Variants in AP3B2 observed in about 807,000 individuals in gnomAD.
AP3B2 encodes adaptor related protein complex 3 subunit beta 2, also known as AP-3 complex subunit beta-2.
A neutral mutation model predicts 126.9 loss-of-function variants in AP3B2; 50 were observed. The ratio of observed to expected loss-of-function variants is 0.39; its 90% confidence interval spans 0.31 to 0.50. The LOEUF (loss-of-function observed/expected upper bound fraction) is 0.50. Ranked by LOEUF, AP3B2 falls within the 20% of genes least tolerant of loss-of-function variation. The pLI, the probability that AP3B2 is intolerant of heterozygous loss-of-function variation, is 0.79. For missense variants in AP3B2, 1,177 were observed against 1,426.4 expected (o/e 0.83, Z 2.82); for synonymous variants, 541 against 565.0 (o/e 0.96, Z 0.60).
Position 82,689,240 on chromosome 15 carries a change from G to A in AP3B2, c.190-8C>T. On this transcript the variant is annotated splice_region_variant and splice_polypyrimidine_tract_variant and intron_variant, in intron 2 of 26. Transcript: ENST00000535359. Reference sequence around the variant, plus strand: ...CTTTCCTCGGGCAATCATCTGGGTGGTGGGGTCAAGGTAGGGGAAGAGGGA... The same window carrying A: ...CTTTCCTCGGGCAATCATCTGGGTGATGGGGTCAAGGTAGGGGAAGAGGGA... 6.2e-7 allele frequency: 1 copy of A among 1,614,034 alleles called. No homozygotes were observed. The highest frequency in any genetic ancestry group is 8.5e-7 in the Non-Finnish European group (1 of 1,179,896).
In AP3B2 at chr15:82,664,251, A is replaced by T. The variant is rs530639981; in HGVS notation, c.2261+116T>A. Reference sequence around the variant, plus strand: ...AGGCGTCATGTGAGCTGACAGCCCCACCCAGCTCACGAGGGGCTCAGGGGC... The same window carrying T: ...AGGCGTCATGTGAGCTGACAGCCCCTCCCAGCTCACGAGGGGCTCAGGGGC... On this transcript the variant is annotated intron_variant, in intron 19 of 26. Transcript: ENST00000535359. This position sits in a 1 kb window ranked among gnomAD's most constrained non-coding sequence, Gnocchi z 4.5. 1 of 1,504,906 alleles carries T rather than the reference A, an allele frequency of 6.6e-7. No individual in the cohort carries two copies. The highest frequency in any genetic ancestry group is 9.0e-7 in the Non-Finnish European group (1 of 1,106,316). 93.2% of individuals were successfully genotyped at this position (1,504,906 alleles called of 1,614,324 possible).
chr15:82,680,920 C>T lies in AP3B2; in HGVS notation c.688G>A (p.Asp230Asn). Residue 230 changes from aspartate to asparagine, a missense_variant, in exon 7 of 27, where the codon GAC becomes AAC. Asp to Asn is a conservative substitution (Grantham distance 23). Transcript: ENST00000535359. The surrounding 1 kb of genome is among the most constrained non-coding windows in gnomAD (Gnocchi z 6.1). ...ACCACCTGGCCCCACTCCTCCACGTCGATCAGCAGGTTACAGAGTTTCCGG... is the reference window on the plus strand; with the variant it reads ...ACCACCTGGCCCCACTCCTCCACGTTGATCAGCAGGTTACAGAGTTTCCGG... ...NYRKLCNLLI[D>N]VEEWGQVVII... 6.2e-7 allele frequency: 1 copy of T among 1,613,954 alleles called. No individual in the cohort carries two copies. Among genetic ancestry groups the T allele is most frequent in the South Asian group, 1.1e-5 (1 of 91,078 alleles).
rs779008716 is a variant in AP3B2 at position 82,680,645 on chromosome 15, C to T, written c.882G>A (p.Lys294=). ...ETAAAAAPSR[K]PYVMDPDHRL... is the part of the protein sequence containing the mutation. ...GGTGGTCGGGGTCCATGACATAGGG[C>T]TTTCGGGAGGGGGCGGCCGCGGCGG... The change falls in exon 8 of 27, where the codon AAG becomes AAA. Residue 294 remains lysine, a synonymous_variant. Transcript: ENST00000535359. This position sits in a 1 kb window ranked among gnomAD's most constrained non-coding sequence, Gnocchi z 6.1. 1.1e-5 allele frequency: 17 copies of T among 1,588,380 alleles called. No homozygotes were observed. Among genetic ancestry groups the T allele is most frequent in the African/African-American group, 2.7e-5 (2 of 74,442 alleles).
chr15:82,665,339 C>T lies in AP3B2; in HGVS notation c.1972-36G>A. On this transcript the variant is annotated intron_variant, in intron 16 of 26. Transcript: ENST00000535359. The surrounding 1 kb of genome is among the most constrained non-coding windows in gnomAD (Gnocchi z 4.4). ...GGGGGAGGGTGTTAGGAGGGCTGGG[C>T]CGGCACTGCCAGGGCTCCCTACTGT... 6.3e-7 allele frequency: 1 copy of T among 1,583,716 alleles called. No homozygotes were observed. The highest frequency in any genetic ancestry group is 8.5e-7 in the Non-Finnish European group (1 of 1,170,274).
intron 4 of AP3B2, chr15:82,685,678 A>C (rs924827768): frequency 2.0e-5 from 3 of 152,038 alleles, no homozygotes; most frequent in Admixed American, 6.6e-5. Flanking sequence ...GAAAGTTATC[A>C]AAAAAAATGT....
In AP3B2 at chr15:82,680,339, G is replaced by A. The variant is rs929040516; in HGVS notation, c.1056-110C>T. The A allele has an allele frequency of 9.1e-6, 14 of 1,538,866 alleles. No individual in the cohort carries two copies. The highest frequency in any genetic ancestry group is 1.2e-5 in the Non-Finnish European group (14 of 1,134,630). ...TTGCGGGGAGAGGACCAGTGCGGAG[G>A]GCAGGACTACGGTCAGTGTGGAGCG... On this transcript the variant is annotated intron_variant, in intron 8 of 26. Coordinates refer to ENST00000535359, the MANE Select transcript of AP3B2 (RefSeq NM_001278512.2). This position sits in a 1 kb window ranked among gnomAD's most constrained non-coding sequence, Gnocchi z 6.1.
intron 14 of AP3B2, among the ~76,000 whole-genome samples, chr15:82,672,231 A>G (rs2048170881): frequency 6.6e-6 from 1 of 152,232 alleles, no homozygotes; most frequent in Admixed American, 6.5e-5. Context: ...ACAAATAGAT[A>G]AAGAAAATAC....
In AP3B2 at chr15:82,690,253, C is replaced by CT. The variant is rs544208906; in HGVS notation, c.114-801dup. On this transcript the variant is annotated intron_variant, in intron 1 of 26. Transcript: ENST00000535359. ...GTACTTTTTTTTTTCAATTACTAAA[C>CT]TTTTTTTTTTTAATTATACTTTTAA... Among the ~76,000 whole-genome samples the CT allele has an allele frequency of 8.0e-3, 1,162 of 145,554 alleles. 12 individuals carry two copies. Among genetic ancestry groups the CT allele is most frequent in the Non-Finnish European group, 8.9e-3 (578 of 65,068 alleles).
Position 82,676,510 on chromosome 15 carries a change from A to C in AP3B2, c.1616T>G (p.Leu539Arg). 2 of 1,614,024 alleles carry C rather than the reference A, an allele frequency of 1.2e-6. No individual in the cohort carries two copies. ...CTTGGCTGCCAGGTTGATGACCTGC[A>C]GCTTGACAATATCCTCCTCTGCTGT... ...SFTAEEDIVK[L>R]QVINLAAKLY... The change falls in exon 14 of 27, where the codon CTG (leucine) becomes CGG (arginine). Residue 539 changes from leucine (L) to arginine (R), a missense_variant. Transcript: ENST00000535359.
At position 82,666,840 on chromosome 15, in the gene AP3B2, C is replaced by T. The variant is rs186700451; in HGVS notation, c.1759G>A (p.Val587Ile). 25 of 1,613,856 alleles carry T rather than the reference C, an allele frequency of 1.5e-5. 1 individual carries two copies. The highest frequency in any genetic ancestry group is 9.9e-5 in the South Asian group (9 of 91,082). Residue 587 changes from valine (V) to isoleucine (I), a missense_variant, in exon 15 of 27, where the codon GTC becomes ATC. Transcript: ENST00000535359. ...DRARFTRQLIVPSEQGGALSR... is the reference protein window; with the variant it reads ...DRARFTRQLIIPSEQGGALSR... ...AGGGCCCCACCCTGCTCGGAAGGGACGATGAGCTGCCGGGTGAAGCGCGCC... is the reference window on the plus strand; with the variant it reads ...AGGGCCCCACCCTGCTCGGAAGGGATGATGAGCTGCCGGGTGAAGCGCGCC...
chr15:82,700,396 G>GTTTTTTTTTTT (rs1567275643), intron 1 of AP3B2, among the ~76,000 whole-genome samples: 4 of 11,260 alleles, frequency 3.6e-4, no homozygotes, highest in Non-Finnish European at 6.8e-4. Context: ...GTGGTGGGTG[G>GTTTTTTTTTTT]CTTTTTTTTT....
chr15:82,660,251 G>T (rs1012244492), intron 25 of AP3B2, among the ~76,000 whole-genome samples: 6 of 152,108 alleles, frequency 3.9e-5, no homozygotes, highest in African/African-American at 1.4e-4. Context: ...TCCTCCATCA[G>T]ACATCTGGGC....
At position 82,665,250 on chromosome 15, in the gene AP3B2, A is replaced by C. The variant is rs746465157; in HGVS notation, c.2025T>G (p.Thr675=). The C allele has an allele frequency of 1.9e-6, 3 of 1,538,858 alleles. No homozygotes were observed. The South Asian group carries it at 3.6e-5, about 18-fold the overall frequency. ...ACACGTCACACGAAGGTGGGACCTC[A>C]GTGTATTCGCCCAACAGGCCCACGT... ...ETHVGLLGEY[T]EVPEWTKCSN... Residue 675 remains threonine (T), a synonymous_variant, in exon 17 of 27, where the codon ACT becomes ACG. Coordinates refer to ENST00000535359, the MANE Select transcript of AP3B2 (RefSeq NM_001278512.2). The surrounding 1 kb of genome is among the most constrained non-coding windows in gnomAD (Gnocchi z 4.4).
At position 82,680,255 on chromosome 15, in the gene AP3B2, C is replaced by G; in HGVS notation, c.1056-26G>C. 1 of 1,613,302 alleles carries G rather than the reference C, an allele frequency of 6.2e-7. No individual in the cohort carries two copies. Among genetic ancestry groups the G allele is most frequent in the Non-Finnish European group, 8.5e-7 (1 of 1,179,694 alleles). On this transcript the variant is annotated intron_variant, in intron 8 of 26. Coordinates refer to ENST00000535359, the MANE Select transcript of AP3B2 (RefSeq NM_001278512.2). This position sits in a 1 kb window ranked among gnomAD's most constrained non-coding sequence, Gnocchi z 6.1. The stretch of plus-strand genomic sequence containing the variant: ...CTGCGGAGAGGACGGGTCAGAGCAC[C>G]CCGGGCCCCTCGGTTGGGGCAAGGG...
chr15:82,665,815 C>T lies in AP3B2; in HGVS notation c.1853-240G>A, dbSNP rs2048048716. Among the ~76,000 whole-genome samples the T allele has an allele frequency of 6.6e-6, 1 of 152,190 alleles. No homozygotes were observed. The highest frequency in any genetic ancestry group is 1.5e-5 in the Non-Finnish European group (1 of 68,026). On this transcript the variant is annotated intron_variant, in intron 15 of 26. Coordinates refer to ENST00000535359, the MANE Select transcript of AP3B2 (RefSeq NM_001278512.2). The surrounding 1 kb of genome is among the most constrained non-coding windows in gnomAD (Gnocchi z 4.4). ...CTGAGGGCCAGGGAAAGGCAGCCTA[C>T]AGAGGTGGGCAGGAGGAGACTCTGG...
intron 1 of AP3B2, among the ~76,000 whole-genome samples, chr15:82,702,201 A>G (rs920105852): frequency 2.0e-5 from 3 of 152,200 alleles, no homozygotes; most frequent in African/African-American, 7.2e-5. Context: ...CCAAATCGTA[A>G]TATCCAGCTA....
intron 1 of AP3B2, chr15:82,689,901 G>A (rs377379874): frequency 4.5e-4 from 73 of 161,386 alleles, no homozygotes; most frequent in Non-Finnish European, 6.4e-4. Flanking sequence ...CCTGGAGTTC[G>A]AGACCAGCCT....
intron 1 of AP3B2, among the ~76,000 whole-genome samples, chr15:82,696,075 A>G (rs2048625031): frequency 6.6e-6 from 1 of 152,116 alleles, no homozygotes; most frequent in Non-Finnish European, 1.5e-5. Flanking sequence ...CTGCGTGCCT[A>G]TATCCAAATT....
Position 82,677,695 on chromosome 15 carries a change from C to G in AP3B2, c.1354G>C (p.Val452Leu), listed in dbSNP as rs1489560363. The change falls in exon 12 of 27, where the codon GTG becomes CTG. Residue 452 changes from valine to leucine, a missense_variant. Coordinates refer to ENST00000535359, the MANE Select transcript of AP3B2 (RefSeq NM_001278512.2). Reference protein sequence around the residue: ...RVRDTCLNGLVQLLSNRDELV... With the variant: ...RVRDTCLNGLLQLLSNRDELV... ...CCATCACGGTTGGACAGCAGCTGCA[C>G]CAGGCCATTGAGGCAGGTGTCACGG... 1.3e-6 allele frequency: 2 copies of G among 1,579,636 alleles called. No homozygotes were observed. The highest frequency in any genetic ancestry group is 8.6e-7 in the Non-Finnish European group (1 of 1,162,524).
Sources: allele counts gnomAD v4.1 joint callset (sites outside exome capture counted in the v4.1 genomes callset), GRCh38; gene constraint gnomAD v4.1.1; non-coding constraint Gnocchi (gnomAD v3.1); transcripts MANE v1.5; gene names NCBI Gene and HGNC (gene_info 2026-07-23, HGNC 2026-07-21).